The following SGPP1 variants were observed in gnomAD, a reference collection of about 807,000 sequenced individuals.
The protein encoded by SGPP1 is sphingosine-1-phosphate phosphatase 1.
A neutral mutation model predicts 33.0 loss-of-function variants in SGPP1; 21 were observed. That is an observed-to-expected ratio of 0.64 (90% CI 0.45 to 0.92). SGPP1 has a LOEUF of 0.92. SGPP1 is among the 40% of genes least tolerant of loss of function. SGPP1 has a pLI of 0.00. For missense variants in SGPP1, 543 were observed against 589.4 expected (o/e 0.92, Z 0.81); for synonymous variants, 239 against 241.2 (o/e 0.99, Z 0.08).
At chr14:63,691,496 A>G (rs1885094430) in intron 2 of SGPP1, among the ~76,000 whole-genome samples, 1 of 152,074 alleles carries the variant, frequency 6.6e-6, no homozygotes, top group African/African-American at 2.4e-5. Context: ...TTCTTCTCCT[A>G]CCCTGTAATA....
chr14:63,698,772 T>C, intron 1 of SGPP1, 114 bp from the exon 2 acceptor site: 1 of 500,768 alleles, frequency 2.0e-6, no homozygotes, highest in Non-Finnish European at 3.4e-6. Flanking sequence ...AAGAAATTTG[T>C]TTTTACTCCC....
At chr14:63,688,315 CAAAAAAA>C (rs71120275) in intron 2 of SGPP1, among the ~76,000 whole-genome samples, 496 of 31,398 alleles carry the variant, frequency 0.016, 4 homozygotes, top group East Asian at 0.085. Flanking sequence ...GACTCTGTCT[CAAAAAAA>C]AAAAAAAAAA....
At position 63,727,318 on chromosome 14, in the gene SGPP1, G is replaced by A. The variant is rs1885904314; in HGVS notation, c.627C>T (p.Ala209=). 1.2e-6 allele frequency: 2 copies of A among 1,613,954 alleles called. No individual in the cohort carries two copies. Among genetic ancestry groups the A allele is most frequent in the South Asian group, 1.1e-5 (1 of 91,074 alleles). ...AAATGGGGATGGCGGTGCCGGACAT[G>A]GCATGGGTGGAGGGCATGCTGTACT... ...NSEYSMPSTH[A]MSGTAIPISM... Residue 209 remains alanine (A), a synonymous_variant, in exon 1 of 3, where the codon GCC becomes GCT. Transcript: ENST00000247225.
At chr14:63,722,732 G>A (rs1349422619) in intron 1 of SGPP1, among the ~76,000 whole-genome samples, 3 of 151,888 alleles carry the variant, frequency 2.0e-5, no homozygotes, top group African/African-American at 7.3e-5. Flanking sequence ...TTGGGAGGCC[G>A]AGGTGGGAGG....
At chr14:63,699,350 G>A (rs1469484038) in intron 1 of SGPP1, among the ~76,000 whole-genome samples, 4 of 152,190 alleles carry the variant, frequency 2.6e-5, no homozygotes, top group African/African-American at 9.7e-5. Context: ...GAGGGAAAGA[G>A]GAAAGGATGG....
At chr14:63,717,175 C>T (rs941023933) in intron 1 of SGPP1, among the ~76,000 whole-genome samples, 2 of 148,086 alleles carry the variant, frequency 1.4e-5, no homozygotes, top group African/African-American at 5.0e-5. Flanking sequence ...TGCAAAAGAA[C>T]AGGTAAGTGA....
At chr14:63,691,871 G>A (rs1331776750) in intron 2 of SGPP1, among the ~76,000 whole-genome samples, 1 of 151,720 alleles carries the variant, frequency 6.6e-6, no homozygotes, top group African/African-American at 2.4e-5. Flanking sequence ...TGAAAAATAA[G>A]TAAGCAGGAA....
intron 1 of SGPP1, among the ~76,000 whole-genome samples, chr14:63,707,735 T>G (rs374359677): frequency 6.6e-6 from 1 of 152,044 alleles, no homozygotes; most frequent in Non-Finnish European, 1.5e-5. Context: ...CATGAGCCAC[T>G]GCACCAAGCC....
At position 63,711,130 on chromosome 14, in the gene SGPP1, C is replaced by T. The variant is rs566192921; in HGVS notation, c.685-12472G>A. On this transcript the variant is annotated intron_variant, in intron 1 of 2. Transcript: ENST00000247225. Reference sequence around the variant, plus strand: ...CCGGGTTCAAGCGATTCTCCTGCCTCAGCCTCCCAAGTAGCTGGGATTACA... The same window carrying T: ...CCGGGTTCAAGCGATTCTCCTGCCTTAGCCTCCCAAGTAGCTGGGATTACA... Among the ~76,000 whole-genome samples the T allele has an allele frequency of 2.0e-5, 3 of 151,948 alleles. No individual in the cohort carries two copies. In the South Asian group the frequency reaches 6.2e-4, roughly 32 times the overall value.
Position 63,686,636 on chromosome 14 carries a change from T to C in SGPP1, c.795A>G (p.Leu265=), listed in dbSNP as rs745773994. Residue 265 remains leucine (L), a synonymous_variant, in exon 3 of 3, where the codon CTA becomes CTG. Coordinates refer to ENST00000247225, the MANE Select transcript of SGPP1 (RefSeq NM_030791.4). ...AGACAGCTAAGATTAAAATGGTATA[T>C]AGGAATCCAGCAATAATATCCTAGG... is the stretch of plus-strand genomic sequence containing the variant. ...HSILDIIAGF[L]YTILILAVFY... 7 of 1,608,250 alleles carry C rather than the reference T, an allele frequency of 4.4e-6. No individual in the cohort carries two copies. The highest frequency in any genetic ancestry group is 2.2e-5 in the East Asian group (1 of 44,832).
At chr14:63,702,238 G>C (rs1305532120) in intron 1 of SGPP1, among the ~76,000 whole-genome samples, 3 of 152,182 alleles carry the variant, frequency 2.0e-5, no homozygotes, top group African/African-American at 7.2e-5. Flanking sequence ...TATCAAGCCA[G>C]ATGCAGAGGC....
chr14:63,695,310 C>T (rs1885165004), intron 2 of SGPP1, among the ~76,000 whole-genome samples: 1 of 152,204 alleles, frequency 6.6e-6, no homozygotes, highest in Non-Finnish European at 1.5e-5. Flanking sequence ...CCCGCCTCTG[C>T]CTCCCAAAGT....
chr14:63,728,027 C>A lies in SGPP1; in HGVS notation c.-83G>T, dbSNP rs1258102214. 1.4e-5 allele frequency: 19 copies of A among 1,398,486 alleles called. No homozygotes were observed. The highest frequency in any genetic ancestry group is 6.0e-5 in the African/African-American group (4 of 66,486). The allele number at this position is 1,398,486 out of a possible 1,614,324, so 86.6% of individuals were successfully genotyped here. On this transcript the variant is annotated 5_prime_UTR_variant, in exon 1 of 3. Coordinates refer to ENST00000247225, the MANE Select transcript of SGPP1 (RefSeq NM_030791.4). ...GCGCTCCTGGCCAGCGGCAGCGGAA[C>A]CGGCACAGCGCTCTACCCTCCGGAG...
At position 63,713,393 on chromosome 14, in the gene SGPP1, T is replaced by C. The variant is rs560647511; in HGVS notation, c.684+13868A>G. On this transcript the variant is annotated intron_variant, in intron 1 of 2. Coordinates refer to ENST00000247225, the MANE Select transcript of SGPP1 (RefSeq NM_030791.4). ...TCTTAATATCTATCAAATTCACCCATTTCTCTCTACTGCCATTGACACTAA... is the reference window on the plus strand; with the variant it reads ...TCTTAATATCTATCAAATTCACCCACTTCTCTCTACTGCCATTGACACTAA... 7.2e-5 allele frequency among the ~76,000 whole-genome samples: 11 copies of C among 152,288 alleles called. No homozygotes were observed. In the East Asian group the frequency reaches 2.1e-3, roughly 29 times the overall value.
At chr14:63,700,091 C>A (rs1595064362) in intron 1 of SGPP1, among the ~76,000 whole-genome samples, 1 of 151,950 alleles carries the variant, frequency 6.6e-6, no homozygotes, top group African/African-American at 2.4e-5. Context: ...GCCTCCCGAG[C>A]AGCTAGGACT....
intron 1 of SGPP1, among the ~76,000 whole-genome samples, chr14:63,702,087 TAG>T (rs1420375617): frequency 6.6e-6 from 1 of 152,026 alleles, no homozygotes. Flanking sequence ...AAATCACCTA[TAG>T]AGTCTCAGAA....
chr14:63,727,735 C>T lies in SGPP1; in HGVS notation c.210G>A (p.Gly70=). 1 of 1,460,764 alleles carries T rather than the reference C, an allele frequency of 6.8e-7. No individual in the cohort carries two copies. The highest frequency in any genetic ancestry group is 9.0e-7 in the Non-Finnish European group (1 of 1,114,424). 90.5% of individuals were successfully genotyped at this position (1,460,764 alleles called of 1,614,324 possible). A position where few individuals can be genotyped will look rare whatever the true frequency, so the allele number is the denominator to read the frequency against. ...TGGCCGGGCACTGATTGCGGTCGCT[C>T]CCGGGAGGCTGGGGGCCTCCAGGCG... ...PGAPGGPQPP[G]SDRNQCPAKP... Residue 70 remains glycine, a synonymous_variant, in exon 1 of 3, where the codon GGG becomes GGA. Transcript: ENST00000247225.
At chr14:63,694,026 T>C (rs1018289828) in intron 2 of SGPP1, among the ~76,000 whole-genome samples, 4 of 152,198 alleles carry the variant, frequency 2.6e-5, no homozygotes, top group Admixed American at 1.3e-4. Context: ...ATGCCTGTAA[T>C]CCCAACACAT....
intron 1 of SGPP1, among the ~76,000 whole-genome samples, chr14:63,719,003 TATATA>T (rs1885703706): frequency 2.6e-4 from 7 of 26,984 alleles, no homozygotes; most frequent in Non-Finnish European, 4.1e-4. Context: ...TATATATATA[TATATA>T]TATATATTTT....
Sources: gnomAD v4.1 joint callset for allele counts (sites outside exome capture counted in the v4.1 genomes callset) on GRCh38, gnomAD v4.1.1 for gene constraint, MANE v1.5 for transcripts, NCBI Gene and HGNC (gene_info 2026-07-23, HGNC 2026-07-21) for gene names.